CLASP1: variants seen among roughly 807,000 people sequenced by gnomAD.
The protein encoded by CLASP1 is CLIP-associating protein 1.
A neutral mutation model predicts 192.3 loss-of-function variants in CLASP1; 38 were observed. That is an observed-to-expected ratio of 0.20 (90% CI 0.15 to 0.26). The LOEUF is 0.26. Among genes scored for constraint, CLASP1 ranks in the 10% least tolerant of loss-of-function variants. The pLI is 1.00. For synonymous variants in CLASP1, 691 were observed against 712.8 expected (o/e 0.97, Z 0.49); for missense variants, 1,433 against 1,932.5 (o/e 0.74, Z 4.85).
exon 1 of CLASP1, chr2:121,649,389 C>T (rs62151111): frequency 0.029 from 4,375 of 151,026 alleles, 96 homozygotes; most frequent in Non-Finnish European, 0.048. Flanking sequence ...TTTTTCGTTA[C>T]TGTTGCCGCT....
At chr2:121,508,176 A>G (rs548376440) in intron 7 of CLASP1, among the ~76,000 whole-genome samples, 1 of 152,302 alleles carries the variant, frequency 6.6e-6, no homozygotes, top group Admixed American at 6.5e-5. Context: ...ATAATTATAG[A>G]ACTATATGCA....
At chr2:121,447,813 A>C (rs976105004) in intron 18 of CLASP1, among the ~76,000 whole-genome samples, 2 of 152,202 alleles carry the variant, frequency 1.3e-5, no homozygotes, top group Non-Finnish European at 2.9e-5. Flanking sequence ...TAAGGAAAAA[A>C]TGCTCACATC....
Position 121,561,974 on chromosome 2 carries a change from C to G in CLASP1, c.196-31649G>C, listed in dbSNP as rs1318436425. On this transcript the variant is annotated intron_variant, in intron 2 of 39. Coordinates refer to ENST00000263710, the Ensembl canonical transcript of CLASP1. ...AATCTGGCAATTTACAAGAAAGGGG[C>G]TCAAAACTACATTATGTTAGGGCTT... Among the ~76,000 whole-genome samples, 3 of 152,166 alleles carry G rather than the reference C, an allele frequency of 2.0e-5. No homozygotes were observed. The East Asian group carries it at 5.8e-4, about 29-fold the overall frequency.
intron 34 of CLASP1, among the ~76,000 whole-genome samples, chr2:121,368,202 C>A (rs1040136840): frequency 2.6e-5 from 4 of 152,126 alleles, no homozygotes; most frequent in Non-Finnish European, 5.9e-5. Flanking sequence ...CTTCTCACTG[C>A]GGCCCTGGCC....
At chr2:121,479,204 G>T (rs909550733) in intron 8 of CLASP1, among the ~76,000 whole-genome samples, 37 of 138,636 alleles carry the variant, frequency 2.7e-4, no homozygotes, top group African/African-American at 9.0e-4. Context: ...ACCAGAAAAA[G>T]AAAAAAAAAA....
chr2:121,557,773 GA>G (rs1006400984), intron 2 of CLASP1, among the ~76,000 whole-genome samples: 18 of 149,180 alleles, frequency 1.2e-4, no homozygotes, highest in Non-Finnish European at 2.4e-4. Flanking sequence ...AAAGAAAAAA[GA>G]AAAAAAAAGA....
chr2:121,552,399 T>C (rs148506509), intron 2 of CLASP1, among the ~76,000 whole-genome samples: 5,090 of 152,108 alleles, frequency 0.033, 114 homozygotes, highest in Middle Eastern at 0.061. Context: ...ACAGAGTAAA[T>C]AGACAACCTA....
chr2:121,401,550 T>A (rs1470884853), exon 28 of CLASP1: 4 of 1,613,436 alleles, frequency 2.5e-6, no homozygotes, highest in Admixed American at 1.7e-5. Flanking sequence ...CTTGCACAGA[T>A]CCAAGTAAAT....
chr2:121,482,163 C>CA, intron 8 of CLASP1, among the ~76,000 whole-genome samples: 1 of 152,274 alleles, frequency 6.6e-6, no homozygotes, highest in Non-Finnish European at 1.5e-5. Flanking sequence ...AGTGAATATA[C>CA]AGCGAGAGAG....
intron 1 of CLASP1, among the ~76,000 whole-genome samples, chr2:121,634,160 A>C (rs2070359778): frequency 1.3e-5 from 2 of 152,158 alleles, no homozygotes; most frequent in Admixed American, 1.3e-4. Context: ...TAGCACGCTT[A>C]ATACACAGAA....
At chr2:121,633,867 C>T (rs2070285135) in intron 1 of CLASP1, among the ~76,000 whole-genome samples, 1 of 151,980 alleles carries the variant, frequency 6.6e-6, no homozygotes, top group Admixed American at 6.6e-5. Flanking sequence ...ATTAGCCAGG[C>T]GTGGTGGTGG....
At chr2:121,530,267 A>C in exon 3 of CLASP1, 1 of 1,552,342 alleles carries the variant, frequency 6.4e-7, no homozygotes, top group Non-Finnish European at 8.7e-7. Flanking sequence ...CTGCGCCTTG[A>C]ACCGATCCTG....
chr2:121,636,409 A>G, intron 1 of CLASP1, among the ~76,000 whole-genome samples: 1 of 150,854 alleles, frequency 6.6e-6, no homozygotes. Context: ...CATGCCTGTA[A>G]TCCCAACACT....
intron 1 of CLASP1, among the ~76,000 whole-genome samples, chr2:121,622,089 C>A (rs565486858): frequency 6.6e-6 from 1 of 151,964 alleles, no homozygotes; most frequent in Admixed American, 6.6e-5. Flanking sequence ...GACCTCACAC[C>A]TGCCTCAGCC....
chr2:121,361,949 G>T (rs917341605), intron 37 of CLASP1, among the ~76,000 whole-genome samples: 5 of 152,254 alleles, frequency 3.3e-5, no homozygotes, highest in Non-Finnish European at 7.3e-5. Flanking sequence ...CTGAGGACAA[G>T]ACCCTCGCCC....
chr2:121,530,249 G>T, exon 3 of CLASP1: 1 of 1,551,314 alleles, frequency 6.4e-7, no homozygotes, highest in Non-Finnish European at 8.7e-7. Flanking sequence ...CAGCTCACCT[G>T]TGCCGATCTG....
intron 19 of CLASP1, among the ~76,000 whole-genome samples, chr2:121,437,311 T>G (rs1361629212): frequency 6.6e-6 from 1 of 152,202 alleles, no homozygotes; most frequent in African/African-American, 2.4e-5. Flanking sequence ...AGAAGTTCCA[T>G]TTGCTCTTCT....
At chr2:121,578,555 C>T (rs2060792300) in intron 2 of CLASP1, among the ~76,000 whole-genome samples, 1 of 151,550 alleles carries the variant, frequency 6.6e-6, no homozygotes, top group Non-Finnish European at 1.5e-5. Flanking sequence ...CGGTGAAACC[C>T]CATCTCTACT....
intron 1 of CLASP1, among the ~76,000 whole-genome samples, chr2:121,634,436 T>C (rs371001065): frequency 5.3e-5 from 8 of 152,188 alleles, no homozygotes; most frequent in African/African-American, 1.4e-4. Context: ...CCTTTCTGCA[T>C]CACCTCCAGT....
Sources: gnomAD v4.1 joint callset for allele counts (sites outside exome capture counted in the v4.1 genomes callset) on GRCh38, gnomAD v4.1.1 for gene constraint, MANE v1.5 for transcripts, NCBI Gene and HGNC (gene_info 2026-07-23, HGNC 2026-07-21) for gene names.